CERKL: variants seen among roughly 807,000 people sequenced by gnomAD.
The protein encoded by CERKL is ceramide kinase-like protein.
A neutral mutation model predicts 63.4 loss-of-function variants in CERKL; 61 were observed. The ratio of observed to expected loss-of-function variants is 0.96; its 90% CI spans 0.78 to 1.19. The LOEUF (loss-of-function observed/expected upper bound fraction) is 1.19. CERKL is among the 50% of genes most tolerant of loss of function. The pLI is 0.00. For missense variants in CERKL, 675 were observed against 655.5 expected (o/e 1.03, Z -0.33); for synonymous variants, 250 against 230.5 (o/e 1.08, Z -0.77).
intron 5 of CERKL, among the ~76,000 whole-genome samples, chr2:181,556,257 T>A (rs981549847): frequency 3.3e-5 from 5 of 151,696 alleles, no homozygotes; most frequent in Non-Finnish European, 7.4e-5. Flanking sequence ...TATATATATA[T>A]AATACTTTAA....
intron 2 of CERKL, among the ~76,000 whole-genome samples, chr2:181,595,425 C>A (rs1308948264): frequency 6.6e-6 from 1 of 152,018 alleles, no homozygotes; most frequent in Non-Finnish European, 1.5e-5. Context: ...AACACTAGAG[C>A]GGGACAACTT....
At chr2:181,548,430 C>T in intron 8 of CERKL, 115 bp downstream of exon 8, 1 of 816,108 alleles carries the variant, frequency 1.2e-6, no homozygotes. Flanking sequence ...ATTCTATATT[C>T]TTTACTACTA....
intron 1 of CERKL, among the ~76,000 whole-genome samples, chr2:181,643,638 T>A (rs77723142): frequency 0.04 from 6,128 of 152,328 alleles, 201 homozygotes; most frequent in Middle Eastern, 0.13. Context: ...ATCTGTATAG[T>A]ATCTGTCAAT....
intron 4 of CERKL, among the ~76,000 whole-genome samples, chr2:181,564,062 G>A (rs558657391): frequency 3.3e-5 from 5 of 152,152 alleles, no homozygotes; most frequent in East Asian, 1.9e-4. Flanking sequence ...TCAAGAGCAC[G>A]CAACCTAGAT....
At chr2:181,582,308 T>C (rs1684546372) in intron 2 of CERKL, among the ~76,000 whole-genome samples, 1 of 152,126 alleles carries the variant, frequency 6.6e-6, no homozygotes, top group African/African-American at 2.4e-5. Flanking sequence ...TTTTATTTCC[T>C]TCAGTGTGCT....
chr2:181,642,521 T>G (rs1260647873), intron 1 of CERKL, among the ~76,000 whole-genome samples: 1 of 152,250 alleles, frequency 6.6e-6, no homozygotes, highest in African/African-American at 2.4e-5. Flanking sequence ...AAAATCATTT[T>G]GACTCTCTTG....
At chr2:181,591,569 T>C (rs575754776) in intron 2 of CERKL, among the ~76,000 whole-genome samples, 2 of 152,180 alleles carry the variant, frequency 1.3e-5, no homozygotes, top group Non-Finnish European at 2.9e-5. Context: ...TTCAGCAAGT[T>C]TATTTTTCTT....
At chr2:181,572,008 T>C (rs1230327195) in intron 3 of CERKL, among the ~76,000 whole-genome samples, 2 of 152,140 alleles carry the variant, frequency 1.3e-5, no homozygotes, top group Admixed American at 6.6e-5. Flanking sequence ...TAGAGTAAGA[T>C]TTCAGATAAT....
At chr2:181,543,480 C>CA (rs1418690008) in intron 11 of CERKL, among the ~76,000 whole-genome samples, 2 of 152,090 alleles carry the variant, frequency 1.3e-5, no homozygotes, top group African/African-American at 4.8e-5. Flanking sequence ...GTTAGTTGTT[C>CA]AATACATGAG....
intron 1 of CERKL, among the ~76,000 whole-genome samples, chr2:181,614,961 C>A (rs1052331023): frequency 1.3e-5 from 2 of 152,134 alleles, no homozygotes; most frequent in Admixed American, 1.3e-4. Flanking sequence ...TTATGAATGA[C>A]ATATAATTTT....
At chr2:181,543,983 C>CAAAAAAAAAAAAA (rs11450338) in intron 11 of CERKL, among the ~76,000 whole-genome samples, 6 of 118,152 alleles carry the variant, frequency 5.1e-5, no homozygotes, top group East Asian at 4.7e-4. Context: ...GGCTCTAACT[C>CAAAAAAAAAAAAA]AAAAAAAAAA....
chr2:181,583,160 G>GA (rs200931610), intron 2 of CERKL, among the ~76,000 whole-genome samples: 1,859 of 128,172 alleles, frequency 0.015, 30 homozygotes, highest in East Asian at 0.073. Context: ...CATTCATTTA[G>GA]AAAAAAAAAA....
At chr2:181,547,502 T>C (rs1687776854) in intron 10 of CERKL, 116 bp downstream of exon 10, 3 of 767,892 alleles carry the variant, frequency 3.9e-6, no homozygotes, top group Non-Finnish European at 6.9e-6. Flanking sequence ...GAATCTCTAA[T>C]ATACAAAGAT....
At chr2:181,551,237 A>G (rs540984611) in intron 5 of CERKL, among the ~76,000 whole-genome samples, 1 of 152,308 alleles carries the variant, frequency 6.6e-6, no homozygotes, top group South Asian at 2.1e-4. Context: ...CAGAGCTAAT[A>G]AACAAACTCA....
rs1291509057 is a variant in CERKL, at chr2:181,544,800, A to C, written c.1269-4T>G. On this transcript the variant is annotated splice_region_variant and splice_polypyrimidine_tract_variant and intron_variant, in intron 10 of 12. Coordinates refer to ENST00000410087, the MANE Select transcript of CERKL (RefSeq NM_201548.5). ...AGCCATACTTCCATTATTTAATCTGAAATTAAATATTTCTATTAGACATCA... is the reference window on the plus strand; with the variant it reads ...AGCCATACTTCCATTATTTAATCTGCAATTAAATATTTCTATTAGACATCA... The C allele has an allele frequency of 2.6e-6, 4 of 1,561,108 alleles. No individual in the cohort carries two copies. Among genetic ancestry groups the C allele is most frequent in the Non-Finnish European group, 3.5e-6 (4 of 1,136,740 alleles).
At chr2:181,576,761 T>C (rs1194434695) in intron 2 of CERKL, among the ~76,000 whole-genome samples, 1 of 152,234 alleles carries the variant, frequency 6.6e-6, no homozygotes, top group Non-Finnish European at 1.5e-5. Flanking sequence ...GGTTAAAAGT[T>C]AGATTCTACA....
intron 2 of CERKL, among the ~76,000 whole-genome samples, chr2:181,592,970 G>C (rs1166341455): frequency 6.6e-6 from 1 of 152,114 alleles, no homozygotes; most frequent in East Asian, 1.9e-4. Context: ...GGGCTAAAGA[G>C]TTTGGGGCTA....
In CERKL at chr2:181,572,783, T is replaced by TTTTTTTTC. The variant is rs1385834611; in HGVS notation, c.613+969_613+970insGAAAAAAA. 2.0e-5 allele frequency among the ~76,000 whole-genome samples: 3 copies of TTTTTTTTC among 150,292 alleles called. No individual in the cohort carries two copies. The East Asian group carries it at 5.8e-4, about 29-fold the overall frequency. On this transcript the variant is annotated intron_variant, in intron 3 of 12. Transcript: ENST00000410087. Reference sequence around the variant, plus strand: ...GCTGACCTTCCTACAAAACTTGCTTTTTTTTTTTTTTTGAACTTTCTTCTA... The same window carrying TTTTTTTTC: ...GCTGACCTTCCTACAAAACTTGCTTTTTTTTTTCTTTTTTTTTTTTGAACTTTCTTCTA...
At chr2:181,605,512 A>C (rs573307564) in intron 1 of CERKL, among the ~76,000 whole-genome samples, 1 of 152,318 alleles carries the variant, frequency 6.6e-6, no homozygotes, top group East Asian at 1.9e-4. Context: ...AGTATTTAGA[A>C]GAGTATTGGT....
Sources: allele counts gnomAD v4.1 joint callset (sites outside exome capture counted in the v4.1 genomes callset), GRCh38; gene constraint gnomAD v4.1.1; transcripts MANE v1.5; gene names NCBI Gene and HGNC (gene_info 2026-07-23, HGNC 2026-07-21).